The following PCCA variants were observed in gnomAD, a reference collection of about 807,000 sequenced individuals.
PCCA encodes propionyl-CoA carboxylase alpha chain, mitochondrial.
PCCA carries 74 observed loss-of-function variants against 101.3 expected under a neutral mutation model. That is an observed-to-expected ratio of 0.73 (90% CI 0.61 to 0.89). The LOEUF (loss-of-function observed/expected upper bound fraction) is 0.89. Among genes scored for constraint, PCCA ranks in the 40% least tolerant of loss-of-function variants. The pLI, the probability that PCCA is intolerant of heterozygous loss-of-function variation, is 0.00. For missense variants in PCCA, 891 were observed against 907.0 expected (o/e 0.98, Z 0.23); for synonymous variants, 294 against 313.6 (o/e 0.94, Z 0.66).
Position 100,302,986 on chromosome 13 carries a change from A to C in PCCA, c.1272A>C (p.Leu424Phe). 6.3e-7 allele frequency: 1 copy of C among 1,585,338 alleles called. No homozygotes were observed. Among genetic ancestry groups the C allele is most frequent in the Non-Finnish European group, 8.7e-7 (1 of 1,153,826 alleles). ...IGRLSQYQEP[L>F]HLPGVRVDSG... ...GATTGTCTCAGTACCAAGAACCGTT[A>C]CATCTACCTGGTGTAAGTCATTAAG... Residue 424 changes from leucine (L) to phenylalanine (F), a missense_variant, in exon 14 of 24, where the codon TTA becomes TTC. Leu to Phe is a conservative substitution (Grantham distance 22). Coordinates refer to ENST00000376285, the MANE Select transcript of PCCA (RefSeq NM_000282.4).
At chr13:100,255,884 A>T (rs962108537) in intron 8 of PCCA, among the ~76,000 whole-genome samples, 10 of 152,198 alleles carry the variant, frequency 6.6e-5, no homozygotes, top group Non-Finnish European at 1.3e-4. Flanking sequence ...TCCTGCAGAT[A>T]ACTCTGTACT....
At chr13:100,141,597 G>A (rs1326246977) in intron 4 of PCCA, among the ~76,000 whole-genome samples, 1 of 151,982 alleles carries the variant, frequency 6.6e-6, no homozygotes, top group East Asian at 1.9e-4. Flanking sequence ...ATTTTTAATA[G>A]AGACAGTGTT....
chr13:100,463,016 G>C (rs1240234314), intron 21 of PCCA, among the ~76,000 whole-genome samples: 1 of 152,234 alleles, frequency 6.6e-6, no homozygotes, highest in Non-Finnish European at 1.5e-5. Context: ...ATTTCAGATA[G>C]AGGGAACAGT....
rs781574269 is a variant in PCCA at position 100,330,512 on chromosome 13, A to C, written c.1430-49A>C. 4 of 1,156,494 alleles carry C rather than the reference A, an allele frequency of 3.5e-6. No individual in the cohort carries two copies. The East Asian group carries it at 9.4e-5, about 27-fold the overall frequency. The allele number at this position is 1,156,494 out of a possible 1,614,324, so 71.6% of individuals were successfully genotyped here. On this transcript the variant is annotated intron_variant, in intron 16 of 23. Coordinates refer to ENST00000376285, the MANE Select transcript of PCCA (RefSeq NM_000282.4). Reference sequence around the variant, plus strand: ...AATTTCTCCAGATTATCAGAATTCAATTTTTCACTGATTCATTGTTCTTCA... The same window carrying C: ...AATTTCTCCAGATTATCAGAATTCACTTTTTCACTGATTCATTGTTCTTCA...
At chr13:100,217,190 T>C (rs914657689) in intron 7 of PCCA, among the ~76,000 whole-genome samples, 1 of 152,096 alleles carries the variant, frequency 6.6e-6, no homozygotes, top group Non-Finnish European at 1.5e-5. Context: ...CTTACGCCTG[T>C]AATCCCAGCA....
At position 100,350,039 on chromosome 13, in the gene PCCA, T is replaced by C. The variant is rs76840245; in HGVS notation, c.1643+9780T>C. Among the ~76,000 whole-genome samples, 81 of 152,330 alleles carry C rather than the reference T, an allele frequency of 5.3e-4. 1 individual carries two copies. The East Asian group carries it at 0.015, about 28-fold the overall frequency. On this transcript the variant is annotated intron_variant, in intron 18 of 23. Transcript: ENST00000376285. Reference sequence around the variant, plus strand: ...AGAATTTATTCACCTGTTATTAAATTTTCAATTAGATGATAAAAGTTTAAG... The same window carrying C: ...AGAATTTATTCACCTGTTATTAAATCTTCAATTAGATGATAAAAGTTTAAG...
chr13:100,154,661 T>C (rs2053686664), intron 4 of PCCA: 5 of 349,062 alleles, frequency 1.4e-5, no homozygotes, highest in Non-Finnish European at 5.5e-6. Context: ...AACAAGGTAG[T>C]TTTTGATATC....
chr13:100,131,138 G>A (rs2050474278), intron 4 of PCCA, among the ~76,000 whole-genome samples: 1 of 152,056 alleles, frequency 6.6e-6, no homozygotes, highest in South Asian at 2.1e-4. Context: ...GAAAAAAAAA[G>A]GGGCTTGGCT....
At chr13:100,292,934 C>CGTGTGTGTGT (rs36098330) in intron 12 of PCCA, among the ~76,000 whole-genome samples, 8,474 of 147,618 alleles carry the variant, frequency 0.057, 525 homozygotes, top group African/African-American at 0.15. Context: ...TTTCCAAATT[C>CGTGTGTGTGT]GTGTGTGTGT....
At chr13:100,191,528 C>G (rs1340848153) in intron 6 of PCCA, among the ~76,000 whole-genome samples, 1 of 152,180 alleles carries the variant, frequency 6.6e-6, no homozygotes, top group African/African-American at 2.4e-5. Context: ...GGAACTCGTC[C>G]AAGGCCAACC....
At chr13:100,260,431 C>G (rs896456652) in intron 9 of PCCA, among the ~76,000 whole-genome samples, 4 of 148,322 alleles carry the variant, frequency 2.7e-5, no homozygotes, top group Admixed American at 1.4e-4. Flanking sequence ...GAGTCTCGCT[C>G]TGTTGTCCAG....
chr13:100,391,660 A>T (rs987331704), intron 19 of PCCA, among the ~76,000 whole-genome samples: 6 of 152,060 alleles, frequency 3.9e-5, no homozygotes, highest in African/African-American at 1.4e-4. Flanking sequence ...ATGGGTTTCG[A>T]TTTTATTGTG....
At chr13:100,264,645 T>A (rs1253456962) in intron 10 of PCCA, among the ~76,000 whole-genome samples, 1 of 152,184 alleles carries the variant, frequency 6.6e-6, no homozygotes, top group Non-Finnish European at 1.5e-5. Context: ...GATGGATCTT[T>A]GGGTTTTTAG....
At chr13:100,529,546 G>A (rs919408044) in intron 23 of PCCA, among the ~76,000 whole-genome samples, 1 of 152,170 alleles carries the variant, frequency 6.6e-6, no homozygotes, top group African/African-American at 2.4e-5. Flanking sequence ...CACCCATGGT[G>A]CTGGAAAGGG....
chr13:100,305,847 A>G (rs905794494), intron 14 of PCCA: 2 of 441,910 alleles, frequency 4.5e-6, no homozygotes, highest in Non-Finnish European at 9.2e-6. Context: ...AAGTGTGCTG[A>G]ATGATTTTTG....
At chr13:100,210,265 A>G (rs2059127178) in intron 7 of PCCA, among the ~76,000 whole-genome samples, 1 of 152,222 alleles carries the variant, frequency 6.6e-6, no homozygotes, top group African/African-American at 2.4e-5. Flanking sequence ...GATGTGAACC[A>G]TTGTGCCTGG....
chr13:100,379,584 GT>G (rs2076109991), intron 19 of PCCA, among the ~76,000 whole-genome samples: 1 of 152,218 alleles, frequency 6.6e-6, no homozygotes, highest in African/African-American at 2.4e-5. Context: ...AGACTGGGTA[GT>G]TTATAAATGA....
chr13:100,296,109 A>AT (rs917464411), intron 12 of PCCA, among the ~76,000 whole-genome samples: 6 of 152,310 alleles, frequency 3.9e-5, no homozygotes, highest in African/African-American at 1.4e-4. Context: ...TTGTATAACT[A>AT]TTTTTATTTA....
At chr13:100,255,205 C>T (rs1476874981) in intron 8 of PCCA, among the ~76,000 whole-genome samples, 1 of 152,180 alleles carries the variant, frequency 6.6e-6, no homozygotes, top group African/African-American at 2.4e-5. Flanking sequence ...AGGTCTAATG[C>T]TGTGATGCCA....
Sources: gnomAD v4.1 joint callset for allele counts (sites outside exome capture counted in the v4.1 genomes callset) on GRCh38, gnomAD v4.1.1 for gene constraint, MANE v1.5 for transcripts, NCBI Gene and HGNC (gene_info 2026-07-23, HGNC 2026-07-21) for gene names.